DDX10: variants seen among roughly 807,000 people sequenced by gnomAD.
DDX10 encodes probable ATP-dependent RNA helicase DDX10.
In DDX10, 74 loss-of-function variants were observed where a neutral mutation model predicts 104.3. The observed-to-expected ratio is 0.71, with a 90% confidence interval of 0.59 to 0.86. DDX10 has a LOEUF of 0.86. Ranked by LOEUF, DDX10 falls within the 40% of genes least tolerant of loss-of-function variation. The pLI, the probability that DDX10 is intolerant of heterozygous loss-of-function variation, is 0.00. For missense variants in DDX10, 952 were observed against 1,040.0 expected, an observed-to-expected ratio of 0.92 and a Z score of 1.16; for synonymous variants, 351 against 353.4, an observed-to-expected ratio of 0.99 and a Z score of 0.08.
At chr11:108,760,291 A>G (rs2094349237) in intron 13 of DDX10, among the ~76,000 whole-genome samples, 1 of 152,016 alleles carries the variant, frequency 6.6e-6, no homozygotes, top group African/African-American at 2.4e-5. Flanking sequence ...AGCTTCCTAG[A>G]TTCCTTGGTG....
intron 16 of DDX10, among the ~76,000 whole-genome samples, chr11:108,865,050 A>T (rs932183707): frequency 6.6e-6 from 1 of 152,180 alleles, no homozygotes; most frequent in Non-Finnish European, 1.5e-5. Flanking sequence ...AGCCTTGTAA[A>T]ACACAAGGAG....
intron 17 of DDX10, among the ~76,000 whole-genome samples, chr11:108,927,892 G>T (rs374723775): frequency 6.6e-6 from 1 of 152,170 alleles, no homozygotes; most frequent in East Asian, 1.9e-4. Context: ...GCCTGCCTTG[G>T]CCTCCCAAAG....
chr11:108,913,543 C>T (rs967528202), intron 16 of DDX10, among the ~76,000 whole-genome samples: 5 of 151,914 alleles, frequency 3.3e-5, no homozygotes, highest in Admixed American at 6.6e-5. Flanking sequence ...GGGCAAATTG[C>T]GAGGGAGGTA....
At chr11:108,717,555 G>C (rs575042165) in intron 11 of DDX10, among the ~76,000 whole-genome samples, 28 of 152,248 alleles carry the variant, frequency 1.8e-4, no homozygotes, top group African/African-American at 6.5e-4. Context: ...CAAGTGATCC[G>C]CTTGCCTTGG....
intron 16 of DDX10, among the ~76,000 whole-genome samples, chr11:108,881,446 G>A (rs2134632308): frequency 1.3e-5 from 2 of 152,316 alleles, no homozygotes; most frequent in South Asian, 4.1e-4. Flanking sequence ...TTATAGTTTG[G>A]AGAGTGTTAA....
chr11:108,935,410 A>G (rs985985361), intron 17 of DDX10, among the ~76,000 whole-genome samples: 1 of 152,166 alleles, frequency 6.6e-6, no homozygotes, highest in Non-Finnish European at 1.5e-5. Context: ...GATTATACTA[A>G]TAATCTTTCT....
At chr11:108,763,752 A>G (rs1214451526) in intron 13 of DDX10, among the ~76,000 whole-genome samples, 1 of 152,144 alleles carries the variant, frequency 6.6e-6, no homozygotes, top group African/African-American at 2.4e-5. Flanking sequence ...AGTTGGAGAG[A>G]ATTTGATTCT....
At chr11:108,787,851 A>C (rs1861816465) in intron 13 of DDX10, among the ~76,000 whole-genome samples, 2 of 152,010 alleles carry the variant, frequency 1.3e-5, no homozygotes, top group Admixed American at 6.6e-5. Context: ...AATTGCTTGA[A>C]CCTGGGAGGT....
intron 13 of DDX10, among the ~76,000 whole-genome samples, chr11:108,742,785 C>G (rs115847189): frequency 0.012 from 1,789 of 152,118 alleles, 38 homozygotes; most frequent in African/African-American, 0.041. Flanking sequence ...ACTGGAAAAC[C>G]TAGAAGAAAT....
chr11:108,898,336 A>T (rs1863468282), intron 16 of DDX10, among the ~76,000 whole-genome samples: 1 of 152,186 alleles, frequency 6.6e-6, no homozygotes, highest in Non-Finnish European at 1.5e-5. Context: ...AACAAAGAGT[A>T]GGCTGCTTAA....
At chr11:108,720,277 A>G (rs764403927) in intron 12 of DDX10, among the ~76,000 whole-genome samples, 2 of 152,198 alleles carry the variant, frequency 1.3e-5, no homozygotes, top group South Asian at 4.1e-4. Flanking sequence ...GCCATTTCCT[A>G]TAGTTTGATC....
intron 16 of DDX10, among the ~76,000 whole-genome samples, chr11:108,872,128 G>T (rs1037083838): frequency 6.6e-6 from 1 of 152,124 alleles, no homozygotes; most frequent in Non-Finnish European, 1.5e-5. Flanking sequence ...TCTTACTTTT[G>T]TTCTGTATGT....
intron 16 of DDX10, among the ~76,000 whole-genome samples, chr11:108,862,593 C>T (rs1330929780): frequency 6.6e-6 from 1 of 152,166 alleles, no homozygotes; most frequent in Non-Finnish European, 1.5e-5. Context: ...ACTTACAAAA[C>T]AATTTCCTCT....
intron 15 of DDX10, among the ~76,000 whole-genome samples, chr11:108,849,249 G>A (rs561433830): frequency 6.6e-6 from 1 of 152,068 alleles, no homozygotes; most frequent in South Asian, 2.1e-4. Context: ...TGAAAAATAG[G>A]TTATTCTAAC....
At chr11:108,769,525 T>A (rs2094360317) in intron 13 of DDX10, among the ~76,000 whole-genome samples, 1 of 152,196 alleles carries the variant, frequency 6.6e-6, no homozygotes, top group Admixed American at 6.5e-5. Context: ...CTTAGTTATT[T>A]TGTAGTATCC....
intron 13 of DDX10, among the ~76,000 whole-genome samples, chr11:108,799,096 T>G (rs1334539624): frequency 1.3e-5 from 2 of 152,212 alleles, no homozygotes; most frequent in Non-Finnish European, 2.9e-5. Context: ...GATATGATAG[T>G]CTGCTGAAAG....
intron 13 of DDX10, among the ~76,000 whole-genome samples, chr11:108,783,993 C>CT (rs1403926477): frequency 2.0e-5 from 3 of 152,048 alleles, no homozygotes; most frequent in Non-Finnish European, 4.4e-5. Context: ...AAAGGACAGC[C>CT]TAAGGCTGCG....
At chr11:108,909,576 T>C (rs1358406349) in intron 16 of DDX10, among the ~76,000 whole-genome samples, 1 of 152,128 alleles carries the variant, frequency 6.6e-6, no homozygotes, top group African/African-American at 2.4e-5. Context: ...TAAAACCCTT[T>C]CCTGAGTTCT....
chr11:108,769,190 GT>G (rs528879155), intron 13 of DDX10, among the ~76,000 whole-genome samples: 53 of 144,658 alleles, frequency 3.7e-4, no homozygotes, highest in South Asian at 4.4e-4. Flanking sequence ...AAATTATCAA[GT>G]TTTTTTTTTT....
Sources: gnomAD v4.1 joint callset for allele counts (sites outside exome capture counted in the v4.1 genomes callset) on GRCh38, gnomAD v4.1.1 for gene constraint, MANE v1.5 for transcripts, NCBI Gene and HGNC (gene_info 2026-07-23, HGNC 2026-07-21) for gene names.